The following ITFG1 variants were observed in gnomAD, a reference collection of about 807,000 sequenced individuals.
ITFG1 encodes integrin alpha FG-GAP repeat containing 1, also known as T-cell immunomodulatory protein.
A neutral mutation model predicts 81.8 loss-of-function variants in ITFG1; 34 were observed. The ratio of observed to expected loss-of-function variants is 0.42; its 90% CI spans 0.32 to 0.55. ITFG1 has a LOEUF of 0.55. Among genes scored for constraint, ITFG1 ranks in the 20% least tolerant of loss-of-function variants. The pLI is 0.17. For synonymous variants in ITFG1, 285 were observed against 270.6 expected (o/e 1.05, Z -0.52); for missense variants, 672 against 755.4 (o/e 0.89, Z 1.29).
At chr16:47,209,521 T>C (rs1965540510) in intron 14 of ITFG1, among the ~76,000 whole-genome samples, 1 of 152,184 alleles carries the variant, frequency 6.6e-6, no homozygotes, top group Admixed American at 6.5e-5. Context: ...TCCATGCAGA[T>C]ATAGAAATAA....
chr16:47,365,590 A>G, intron 8 of ITFG1, 198 bp downstream of exon 8: 1 of 466,450 alleles, frequency 2.1e-6, no homozygotes, highest in South Asian at 5.2e-5. Context: ...TAAACACATC[A>G]TAAATTTCTC....
At chr16:47,333,837 C>T (rs560647076) in intron 8 of ITFG1, among the ~76,000 whole-genome samples, 2 of 152,292 alleles carry the variant, frequency 1.3e-5, no homozygotes, top group South Asian at 4.1e-4. Context: ...TGGACTAGGT[C>T]TTTACTAAGC....
intron 10 of ITFG1, among the ~76,000 whole-genome samples, chr16:47,273,948 AATAAC>A (rs1379316324): frequency 6.6e-6 from 1 of 152,164 alleles, no homozygotes; most frequent in African/African-American, 2.4e-5. Flanking sequence ...CATGTACTTT[AATAAC>A]TATGAGATAC....
At chr16:47,209,541 C>T (rs144328730) in intron 14 of ITFG1, among the ~76,000 whole-genome samples, 2 of 152,212 alleles carry the variant, frequency 1.3e-5, no homozygotes, top group East Asian at 3.9e-4. Flanking sequence ...ATGCAAAGAT[C>T]CCATGTACCC....
At chr16:47,314,792 G>A (rs1346118941) in intron 8 of ITFG1, among the ~76,000 whole-genome samples, 2 of 152,048 alleles carry the variant, frequency 1.3e-5, no homozygotes, top group African/African-American at 2.4e-5. Flanking sequence ...GTTGTTTATT[G>A]TATTATTTAA....
intron 8 of ITFG1, among the ~76,000 whole-genome samples, chr16:47,351,011 C>T (rs549387924): frequency 4.6e-5 from 7 of 152,258 alleles, no homozygotes; most frequent in South Asian, 2.1e-4. Context: ...AATTCAACAG[C>T]GCTTCATGCT....
At chr16:47,216,366 T>C (rs1965625031) in intron 14 of ITFG1, among the ~76,000 whole-genome samples, 1 of 152,082 alleles carries the variant, frequency 6.6e-6, no homozygotes. Context: ...GCTAATTTCT[T>C]TTTTTTGCAT....
chr16:47,445,027 C>T (rs916570423), intron 5 of ITFG1, among the ~76,000 whole-genome samples: 3 of 151,504 alleles, frequency 2.0e-5, no homozygotes, highest in African/African-American at 7.3e-5. Context: ...AACCCCACTC[C>T]AGTGCATCCG....
chr16:47,427,814 A>G (rs1411673406), intron 6 of ITFG1, among the ~76,000 whole-genome samples: 1 of 152,210 alleles, frequency 6.6e-6, no homozygotes, highest in African/African-American at 2.4e-5. Context: ...CATTTTGAAT[A>G]ATGACTAGAT....
At chr16:47,258,044 A>G (rs1249594145) in intron 12 of ITFG1, among the ~76,000 whole-genome samples, 1 of 152,214 alleles carries the variant, frequency 6.6e-6, no homozygotes, top group East Asian at 1.9e-4. Flanking sequence ...TATTAATGTA[A>G]TATCAGAATA....
intron 12 of ITFG1, among the ~76,000 whole-genome samples, chr16:47,247,885 C>A (rs1490012065): frequency 6.6e-6 from 1 of 152,056 alleles, no homozygotes; most frequent in East Asian, 1.9e-4. Context: ...ATCTAGAGAA[C>A]AAAGCCTTGA....
chr16:47,311,454 AT>A, intron 9 of ITFG1, 42 bp from the exon 10 acceptor site: 1 of 1,443,568 alleles, frequency 6.9e-7, no homozygotes, highest in Non-Finnish European at 9.3e-7. Flanking sequence ...TAGTTATTTT[AT>A]AAAAAAATTT....
chr16:47,168,096 T>C (rs1964916126), intron 14 of ITFG1, among the ~76,000 whole-genome samples: 1 of 152,238 alleles, frequency 6.6e-6, no homozygotes, highest in Admixed American at 6.5e-5. Context: ...CATGTCATTT[T>C]CAGTCTTTTA....
chr16:47,395,762 G>C (rs1474266716), intron 6 of ITFG1, among the ~76,000 whole-genome samples: 2 of 152,202 alleles, frequency 1.3e-5, no homozygotes, highest in African/African-American at 4.8e-5. Context: ...TTCTCTTCTA[G>C]AGTTCTCTTA....
chr16:47,423,200 T>C (rs1020807660), intron 6 of ITFG1, among the ~76,000 whole-genome samples: 1 of 152,128 alleles, frequency 6.6e-6, no homozygotes, highest in Non-Finnish European at 1.5e-5. Context: ...TCTCTTTTGA[T>C]CTTTGTTGGT....
intron 4 of ITFG1, among the ~76,000 whole-genome samples, chr16:47,452,273 A>T (rs2151618843): frequency 6.6e-6 from 1 of 152,308 alleles, no homozygotes; most frequent in African/African-American, 2.4e-5. Context: ...TGCAAATCCA[A>T]ATTTACATCA....
At chr16:47,412,793 A>G (rs896482853) in intron 6 of ITFG1, among the ~76,000 whole-genome samples, 2 of 152,186 alleles carry the variant, frequency 1.3e-5, no homozygotes, top group Admixed American at 1.3e-4. Context: ...CTGGTCCTTC[A>G]AATCAACTCT....
intron 7 of ITFG1, among the ~76,000 whole-genome samples, chr16:47,372,449 TTC>T (rs1057370766): frequency 2.0e-5 from 3 of 151,718 alleles, no homozygotes; most frequent in African/African-American, 7.3e-5. Flanking sequence ...TCTTTTCTAT[TTC>T]TCTCTTTTTT....
chr16:47,384,710 A>G (rs1157583718), intron 6 of ITFG1, among the ~76,000 whole-genome samples: 3 of 152,214 alleles, frequency 2.0e-5, no homozygotes, highest in Non-Finnish European at 2.9e-5. Flanking sequence ...TTTCCACGTC[A>G]TATCCACCAA....
Sources: allele counts gnomAD v4.1 joint callset (sites outside exome capture counted in the v4.1 genomes callset), GRCh38; gene constraint gnomAD v4.1.1; transcripts MANE v1.5; gene names NCBI Gene and HGNC (gene_info 2026-07-23, HGNC 2026-07-21).